TARBP2: variants seen among roughly 807,000 people sequenced by gnomAD.
TARBP2 encodes TARBP2 subunit of RISC loading complex, also known as RISC-loading complex subunit TARBP2.
Under a neutral mutation model 40.4 loss-of-function variants are expected in TARBP2, and 23 were observed. The ratio of observed to expected loss-of-function variants is 0.57; its 90% confidence interval spans 0.41 to 0.81. The LOEUF (loss-of-function observed/expected upper bound fraction) is 0.81. TARBP2 is among the 30% of genes least tolerant of loss of function. The pLI is 0.00. For synonymous variants in TARBP2, 183 were observed against 190.5 expected, an observed-to-expected ratio of 0.96 and a Z score of 0.32; for missense variants, 358 against 473.7, an observed-to-expected ratio of 0.76 and a Z score of 2.27.
rs1162993139 is a variant in TARBP2, at chr12:53,502,095, C to T, written c.134C>T (p.Thr45Met). 1 of 1,614,186 alleles carries T rather than the reference C, an allele frequency of 6.2e-7. No homozygotes were observed. The highest frequency in any genetic ancestry group is 8.5e-7 in the Non-Finnish European group (1 of 1,180,018). The change falls in exon 2 of 9, where the codon ACG becomes ATG. Residue 45 changes from threonine to methionine, a missense_variant. By Grantham distance (81) the Thr-to-Met change is moderately conservative (BLOSUM62 -1). Around this residue, in one of 3 missense-constraint regions of TARBP2, gnomAD observed 317 missense variants for 422.9 expected, o/e 0.75. Transcript: ENST00000266987. ...GAGTATGGGACCAGAATAGGGAAGA[C>T]GCCTGTGTACGACCTTCTCAAAGCC... Reference protein sequence around the residue: ...LQEYGTRIGKTPVYDLLKAEG... With the variant: ...LQEYGTRIGKMPVYDLLKAEG...
At chr12:53,502,401 A>T (rs1943755802) in intron 2 of TARBP2, 2 of 590,524 alleles carry the variant, frequency 3.4e-6, no homozygotes, top group South Asian at 4.1e-5. Context: ...TCCCACAGTG[A>T]TCTGGCAGAT....
rs1298329001 is a variant in TARBP2, at chr12:53,501,741, A to G, written c.54-274A>G. The G allele has an allele frequency of 4.9e-6, 7 of 1,423,950 alleles. No individual in the cohort carries two copies. The East Asian group carries it at 1.3e-4, about 26-fold the overall frequency. The allele number at this position is 1,423,950 out of a possible 1,614,324, so 88.2% of individuals were successfully genotyped here. Reference sequence around the variant, plus strand: ...CTGGGTTCCTGGCTTGCACTGTGTCAGGGGGTATGCACTTTCAACCTGCAT... The same window carrying G: ...CTGGGTTCCTGGCTTGCACTGTGTCGGGGGGTATGCACTTTCAACCTGCAT... On this transcript the variant is annotated intron_variant, in intron 1 of 8. Coordinates refer to ENST00000266987, the MANE Select transcript of TARBP2 (RefSeq NM_134323.2).
At position 53,506,235 on chromosome 12, in the gene TARBP2, T is replaced by A; in HGVS notation, c.*87T>A. On this transcript the variant is annotated 3_prime_UTR_variant, in exon 9 of 9. Coordinates refer to ENST00000266987, the MANE Select transcript of TARBP2 (RefSeq NM_134323.2). ...ATGTATCTGCGCAGCTCTGGTACCCTCTGTGGGTGCCATCTCTACCTCTGA... is the reference window on the plus strand; with the variant it reads ...ATGTATCTGCGCAGCTCTGGTACCCACTGTGGGTGCCATCTCTACCTCTGA... 1 of 1,455,322 alleles carries A rather than the reference T, an allele frequency of 6.9e-7. No homozygotes were observed. Among genetic ancestry groups the A allele is most frequent in the Non-Finnish European group, 9.2e-7 (1 of 1,081,578 alleles). The allele number at this position is 1,455,322 out of a possible 1,614,324, so 90.2% of individuals were successfully genotyped here.
intron 3 of TARBP2, 87 bp from the exon 4 acceptor site, chr12:53,503,626 T>C (rs1943821241): frequency 1.8e-5 from 17 of 923,740 alleles, no homozygotes; most frequent in Non-Finnish European, 3.0e-5. Flanking sequence ...TCTTAGGGGA[T>C]TGGGAGGTCA....
chr12:53,505,384 GTTT>G lies in TARBP2; in HGVS notation c.741+124_741+126del. ...GGGCCCTAGGTCTGCTTCTGCCACAGTTTTCCTACCAGACCCAGGGTTCCTGGG... is the reference window on the plus strand; with the variant it reads ...GGGCCCTAGGTCTGCTTCTGCCACAGTCCTACCAGACCCAGGGTTCCTGGG... On this transcript the variant is annotated intron_variant, in intron 7 of 8. Transcript: ENST00000266987. This position sits in a 1 kb window ranked among gnomAD's most constrained non-coding sequence, Gnocchi z 4.5. The G allele has an allele frequency of 7.0e-7, 1 of 1,434,776 alleles. No individual in the cohort carries two copies. The allele number at this position is 1,434,776 out of a possible 1,614,324, so 88.9% of individuals were successfully genotyped here.
intron 6 of TARBP2, 51 bp downstream of exon 6, chr12:53,504,866 C>A (rs755791919): frequency 1.3e-6 from 2 of 1,597,730 alleles, no homozygotes; most frequent in African/African-American, 2.7e-5. Context: ...AGCACTCTGG[C>A]CCCAGCCACA....
chr12:53,503,861 T>G, intron 4 of TARBP2, 53 bp downstream of exon 4: 1 of 1,454,322 alleles, frequency 6.9e-7, no homozygotes, highest in Non-Finnish European at 9.7e-7. Flanking sequence ...GTTCTGGTTT[T>G]TGGTCCCTCA....
At position 53,506,275 on chromosome 12, in the gene TARBP2, C is replaced by G. The variant is rs1345079403; in HGVS notation, c.*127C>G. ...TCTACCTCTGACACAGACTGCCTGC[C>G]TTGAAGCTGAGAAGGCACAGGGCAA... On this transcript the variant is annotated 3_prime_UTR_variant, in exon 9 of 9. Transcript: ENST00000266987. 2 of 1,266,188 alleles carry G rather than the reference C, an allele frequency of 1.6e-6. No individual in the cohort carries two copies. The highest frequency in any genetic ancestry group is 3.0e-5 in the African/African-American group (2 of 67,030). The allele number at this position is 1,266,188 out of a possible 1,614,324, so 78.4% of individuals were successfully genotyped here. A position where few individuals can be genotyped will look rare whatever the true frequency, so the allele number is the denominator to read the frequency against.
chr12:53,505,124 T>A lies in TARBP2; in HGVS notation c.614-11T>A, dbSNP rs1255800852. 1.3e-6 allele frequency: 2 copies of A among 1,597,222 alleles called. No individual in the cohort carries two copies. The highest frequency in any genetic ancestry group is 8.6e-7 in the Non-Finnish European group (1 of 1,167,314). On this transcript the variant is annotated splice_polypyrimidine_tract_variant and intron_variant, in intron 6 of 8. Transcript: ENST00000266987. This position sits in a 1 kb window ranked among gnomAD's most constrained non-coding sequence, Gnocchi z 4.5. ...GGAATCATAACCCAGCAGCCCTCTC[T>A]CCACATGCAGGGAGTGGCACTTCCA...
Position 53,503,227 on chromosome 12 carries a change from C to T in TARBP2, c.326+98C>T, listed in dbSNP as rs141457048. Reference sequence around the variant, plus strand: ...GGCCTGGCCAGGTGACACTTAGCCACCCTGACCTGGCCTCTTCCTGAGAGT... The same window carrying T: ...GGCCTGGCCAGGTGACACTTAGCCATCCTGACCTGGCCTCTTCCTGAGAGT... On this transcript the variant is annotated intron_variant, in intron 3 of 8. Transcript: ENST00000266987. 3.8e-4 allele frequency: 549 copies of T among 1,438,588 alleles called. 4 individuals carry two copies. The East Asian group carries it at 0.012, about 30-fold the overall frequency. The allele number at this position is 1,438,588 out of a possible 1,614,324, so 89.1% of individuals were successfully genotyped here.
intron 4 of TARBP2, 29 bp downstream of exon 4, chr12:53,503,837 G>A: frequency 3.8e-6 from 6 of 1,588,180 alleles, no homozygotes; most frequent in Non-Finnish European, 5.2e-6. Context: ...TGCCTGAGGT[G>A]GGTGGAGGAA....
intron 4 of TARBP2, 23 bp downstream of exon 4, chr12:53,503,831 TGAG>T (rs1297818622): frequency 6.3e-7 from 1 of 1,595,334 alleles, no homozygotes; most frequent in Non-Finnish European, 8.6e-7. Flanking sequence ...CCTGACTGCC[TGAG>T]GTGGGTGGAG....
Position 53,506,016 on chromosome 12 carries a change from C to G in TARBP2, c.969C>G (p.Cys323Trp). Residue 323 changes from cysteine to tryptophan, a missense_variant, in exon 9 of 9, where the codon TGC becomes TGG. By Grantham distance (215) the Cys-to-Trp change is radical. Around this residue, in one of 3 missense-constraint regions of TARBP2, gnomAD observed 317 missense variants for 422.9 expected, o/e 0.75. Coordinates refer to ENST00000266987, the MANE Select transcript of TARBP2 (RefSeq NM_134323.2). ...AGGAGCTGAGCCTGAGTGGACTCTGCCAGTGCCTGGTGGAACTGTCCACCC... is the reference window on the plus strand; with the variant it reads ...AGGAGCTGAGCCTGAGTGGACTCTGGCAGTGCCTGGTGGAACTGTCCACCC... ...DIEELSLSGL[C>W]QCLVELSTQP... The G allele has an allele frequency of 1.2e-6, 2 of 1,614,054 alleles. No individual in the cohort carries two copies. Among genetic ancestry groups the G allele is most frequent in the Non-Finnish European group, 1.7e-6 (2 of 1,179,992 alleles).
chr12:53,506,347 T>C lies in TARBP2; in HGVS notation c.*199T>C. 1 of 627,680 alleles carries C rather than the reference T, an allele frequency of 1.6e-6. No individual in the cohort carries two copies. The highest frequency in any genetic ancestry group is 2.7e-6 in the Non-Finnish European group (1 of 370,288). 38.9% of individuals were successfully genotyped at this position (627,680 alleles called of 1,614,324 possible). ...TCAGCCAGCCCAGGATCCGTCCTCATTTTATTGGTGATGATGAATGGGAAT... is the reference window on the plus strand; with the variant it reads ...TCAGCCAGCCCAGGATCCGTCCTCACTTTATTGGTGATGATGAATGGGAAT... On this transcript the variant is annotated 3_prime_UTR_variant, in exon 9 of 9. Transcript: ENST00000266987.
In TARBP2 at chr12:53,501,444, G is replaced by T; in HGVS notation, c.36G>T (p.Thr12=). The T allele has an allele frequency of 1.3e-6, 2 of 1,568,522 alleles. No individual in the cohort carries two copies. Among genetic ancestry groups the T allele is most frequent in the South Asian group, 1.2e-5 (1 of 85,252 alleles). The change falls in exon 1 of 9, where the codon ACG becomes ACT. Residue 12 remains threonine (T), a synonymous_variant. Coordinates refer to ENST00000266987, the MANE Select transcript of TARBP2 (RefSeq NM_134323.2). ...SEEEQGSGTT[T]GCGLPSIEQM... The stretch of plus-strand genomic sequence containing the variant: ...AGGAGCAAGGCTCCGGCACTACCAC[G>T]GGCTGCGGGCTGCCTAGGTGAGCCG...
chr12:53,503,469 G>A (rs1007474223), intron 3 of TARBP2: 9 of 574,668 alleles, frequency 1.6e-5, no homozygotes, highest in Admixed American at 9.7e-5. Flanking sequence ...GTTGGAGTTT[G>A]TTGCTCCTCT....
chr12:53,504,693 C>T lies in TARBP2; in HGVS notation c.496-5C>T, dbSNP rs759675952. ...GCCTCATGCACCCTGTGTCTCCCTTCCAAGGAGCTGGTGGTGCAGAAAGGC... is the reference window on the plus strand; with the variant it reads ...GCCTCATGCACCCTGTGTCTCCCTTTCAAGGAGCTGGTGGTGCAGAAAGGC... On this transcript the variant is annotated splice_region_variant and splice_polypyrimidine_tract_variant and intron_variant, in intron 5 of 8. Transcript: ENST00000266987. 1 of 1,614,186 alleles carries T rather than the reference C, an allele frequency of 6.2e-7. No individual in the cohort carries two copies.
intron 6 of TARBP2, 66 bp downstream of exon 6, chr12:53,504,881 A>G: frequency 1.9e-6 from 3 of 1,583,080 alleles, no homozygotes; most frequent in East Asian, 4.5e-5. Flanking sequence ...GCCACAAAGC[A>G]GCTCCTGGCC....
At position 53,503,018 on chromosome 12, in the gene TARBP2, C is replaced by T. The variant is rs1943790328; in HGVS notation, c.224-9C>T. 3 of 1,547,942 alleles carry T rather than the reference C, an allele frequency of 1.9e-6. No individual in the cohort carries two copies. Among genetic ancestry groups the T allele is most frequent in the Non-Finnish European group, 2.6e-6 (3 of 1,144,928 alleles). On this transcript the variant is annotated splice_polypyrimidine_tract_variant and intron_variant, in intron 2 of 8. Transcript: ENST00000266987. ...TGACCTCCAGTATTGCCCATGCCCC[C>T]TCTCTCAGGTCAGGGCCCCAGCAAG... is the stretch of plus-strand genomic sequence containing the variant.
Sources: gnomAD v4.1 joint callset for allele counts on GRCh38, gnomAD v4.1.1 for gene constraint, gnomAD v4.1.1 regional missense constraint, Gnocchi (gnomAD v3.1) non-coding constraint, MANE v1.5 for transcripts, NCBI Gene and HGNC (gene_info 2026-07-23, HGNC 2026-07-21) for gene names.